The following KIFC3 variants were observed in gnomAD, a reference collection of about 807,000 sequenced individuals.
KIFC3 encodes the protein kinesin family member C3.
In KIFC3, 60 loss-of-function variants were observed where a neutral mutation model predicts 101.8. The observed-to-expected ratio is 0.59, with a 90% CI of 0.48 to 0.73. KIFC3 has a LOEUF of 0.73. Ranked by LOEUF, KIFC3 falls within the 30% of genes least tolerant of loss-of-function variation. The pLI, the probability that KIFC3 is intolerant of heterozygous loss-of-function variation, is 0.00. For missense variants in KIFC3, 966 were observed against 1,137.1 expected (o/e 0.85, Z 2.16); for synonymous variants, 476 against 482.7 (o/e 0.99, Z 0.18).
intron 3 of KIFC3, among the ~76,000 whole-genome samples, chr16:57,787,739 C>T (rs1555618422): frequency 1.3e-5 from 2 of 152,188 alleles, no homozygotes; most frequent in African/African-American, 4.8e-5. Flanking sequence ...CACACTCAGC[C>T]AGACCCCAAC....
intron 1 of KIFC3, among the ~76,000 whole-genome samples, chr16:57,835,023 A>G (rs2055657586): frequency 6.6e-6 from 1 of 152,212 alleles, no homozygotes; most frequent in African/African-American, 2.4e-5. Flanking sequence ...ATGCAACAGA[A>G]AAGCTGCTTT....
At chr16:57,764,269 G>A in intron 11 of KIFC3, 22 bp from the exon 12 acceptor site, 3 of 1,355,064 alleles carry the variant, frequency 2.2e-6, no homozygotes, top group African/African-American at 2.9e-5. Flanking sequence ...GTGGGAGGGA[G>A]GCTGGTGGGG....
upstream of KIFC3, among the ~76,000 whole-genome samples, chr16:57,806,425 C>G (rs556629093): frequency 6.6e-6 from 1 of 152,206 alleles, no homozygotes; most frequent in Admixed American, 6.5e-5. Context: ...CAGGCGGGCT[C>G]AACTCACCCC....
At chr16:57,832,965 T>C (rs782331544) in intron 1 of KIFC3, among the ~76,000 whole-genome samples, 30 of 152,102 alleles carry the variant, frequency 2.0e-4, no homozygotes, top group Non-Finnish European at 3.8e-4. Context: ...CCCAGCACTT[T>C]GGGAGGCTGA....
At chr16:57,812,748 C>T (rs2055119408) in intron 1 of KIFC3, among the ~76,000 whole-genome samples, 1 of 152,210 alleles carries the variant, frequency 6.6e-6, no homozygotes, top group Non-Finnish European at 1.5e-5. Flanking sequence ...CACCGAAACA[C>T]CGGGCTGGCC....
chr16:57,761,470 C>A lies in KIFC3; in HGVS notation c.1815G>T (p.Gln605His), dbSNP rs1555597573. Reference protein sequence around the residue: ...EIRLCPDGSGQLYVPGLTEFQ... With the variant: ...EIRLCPDGSGHLYVPGLTEFQ... ...ACTCAGTCAGCCCTGGTACATACAG[C>A]TGCCCACTGCCGTCTGGGCACAGCC... Residue 605 changes from glutamine (Q) to histidine (H), a missense_variant, in exon 14 of 20, where the codon CAG (glutamine) becomes CAT (histidine). Gln to His is a conservative substitution (Grantham distance 24). This residue lies in a region of KIFC3 where 689 missense variants were observed against 884.6 expected (regional missense o/e 0.78). Transcript: ENST00000445690. 3 of 1,614,024 alleles carry A rather than the reference C, an allele frequency of 1.9e-6. No homozygotes were observed. The highest frequency in any genetic ancestry group is 2.7e-5 in the African/African-American group (2 of 75,052).
At chr16:57,783,664 G>A (rs1406301837) in intron 3 of KIFC3, among the ~76,000 whole-genome samples, 10 of 151,820 alleles carry the variant, frequency 6.6e-5, no homozygotes, top group African/African-American at 2.4e-4. Flanking sequence ...GTAGAGACGG[G>A]GTTTCACTAT....
intron 1 of KIFC3, among the ~76,000 whole-genome samples, chr16:57,820,470 T>G (rs1359020020): frequency 6.6e-6 from 1 of 151,966 alleles, no homozygotes; most frequent in Non-Finnish European, 1.5e-5. Flanking sequence ...AGATGAGGCC[T>G]CACTGTGTTT....
chr16:57,853,232 A>G (rs2149330642), intron 1 of KIFC3, among the ~76,000 whole-genome samples: 1 of 152,250 alleles, frequency 6.6e-6, no homozygotes, highest in East Asian at 1.9e-4. Flanking sequence ...CAGCCTGGCC[A>G]ACATGGTGAA....
In KIFC3 at chr16:57,795,877, C is replaced by CTTTT. The variant is rs1568047538; in HGVS notation, c.173-740_173-737dup. Among the ~76,000 whole-genome samples the CTTTT allele has an allele frequency of 1.8e-3, 150 of 81,118 alleles. 2 individuals carry two copies. The highest frequency in any genetic ancestry group is 4.8e-3 in the African/African-American group (136 of 28,146). 53.2% of individuals were successfully genotyped at this position (81,118 alleles called of 152,430 possible). A position where few individuals can be genotyped will look rare whatever the true frequency, so the allele number is the denominator to read the frequency against. ...CTTACACACATTCTGTTTTTTTGGG[C>CTTTT]TTTTTTGTTTTTTTTTTTTTTTTTT... On this transcript the variant is annotated intron_variant, in intron 2 of 19. Coordinates refer to ENST00000445690, the MANE Select transcript of KIFC3 (RefSeq NM_001130100.2).
intron 1 of KIFC3, among the ~76,000 whole-genome samples, chr16:57,823,965 G>T (rs555044757): frequency 1.3e-5 from 2 of 152,096 alleles, no homozygotes; most frequent in Non-Finnish European, 2.9e-5. Context: ...GAAAAATTGC[G>T]AGAATAAAGT....
At chr16:57,758,953 C>T (rs782797744) in intron 19 of KIFC3, 44 bp from the exon 20 acceptor site, 33 of 1,547,768 alleles carry the variant, frequency 2.1e-5, no homozygotes, top group Admixed American at 9.7e-5. Flanking sequence ...ACTTGCCCAC[C>T]GGCAGCCCAC....
chr16:57,849,399 G>T (rs1357700250), intron 1 of KIFC3, among the ~76,000 whole-genome samples: 1 of 152,206 alleles, frequency 6.6e-6, no homozygotes, highest in African/African-American at 2.4e-5. Context: ...TGCTGTGTGT[G>T]TGTATCTGTG....
At chr16:57,813,843 T>C in intron 1 of KIFC3, 1 of 985,156 alleles carries the variant, frequency 1.0e-6, no homozygotes, top group Non-Finnish European at 1.2e-6. Flanking sequence ...AACCCCATGC[T>C]CTCCTGGACA....
intron 17 of KIFC3, 90 bp from the exon 18 acceptor site, chr16:57,759,926 C>T (rs2049628114): frequency 2.1e-6 from 2 of 959,368 alleles, no homozygotes; most frequent in African/African-American, 1.7e-5. Flanking sequence ...TGCCCTGCCT[C>T]CTAACACCCA....
At chr16:57,787,610 C>T (rs1598086249) in intron 3 of KIFC3, among the ~76,000 whole-genome samples, 1 of 152,178 alleles carries the variant, frequency 6.6e-6, no homozygotes, top group Non-Finnish European at 1.5e-5. Context: ...CTCAAAGATG[C>T]GATGCAGGCG....
chr16:57,789,289 C>T (rs2053641791), intron 3 of KIFC3, among the ~76,000 whole-genome samples: 1 of 152,264 alleles, frequency 6.6e-6, no homozygotes, highest in East Asian at 1.9e-4. Flanking sequence ...GGGAAGCCGT[C>T]TCCTCTTCCA....
At chr16:57,853,597 A>G (rs1021697795) in intron 1 of KIFC3, among the ~76,000 whole-genome samples, 2 of 152,144 alleles carry the variant, frequency 1.3e-5, no homozygotes, top group African/African-American at 4.8e-5. Context: ...ACCAACTAAA[A>G]GAATTTTTTA....
chr16:57,839,927 C>T (rs889335107), intron 1 of KIFC3, among the ~76,000 whole-genome samples: 10 of 152,186 alleles, frequency 6.6e-5, no homozygotes, highest in Admixed American at 5.9e-4. Context: ...AACAACTCCA[C>T]TCTCCGCTGC....
Sources: gnomAD v4.1 joint callset for allele counts (sites outside exome capture counted in the v4.1 genomes callset) on GRCh38, gnomAD v4.1.1 for gene constraint, gnomAD v4.1.1 regional missense constraint, MANE v1.5 for transcripts, NCBI Gene and HGNC (gene_info 2026-07-23, HGNC 2026-07-21) for gene names.